ADAMTS14: variants seen among roughly 807,000 people sequenced by gnomAD.
ADAMTS14 encodes ADAM metallopeptidase with thrombospondin type 1 motif 14, also known as A disintegrin and metalloproteinase with thrombospondin motifs 14.
ADAMTS14 carries 100 observed loss-of-function variants against 128.6 expected under a neutral mutation model. The observed-to-expected ratio is 0.78, with a 90% confidence interval of 0.66 to 0.92. ADAMTS14 has a LOEUF of 0.92. Among genes scored for constraint, ADAMTS14 ranks in the 40% least tolerant of loss-of-function variants. The pLI, the probability that ADAMTS14 is intolerant of heterozygous loss-of-function variation, is 0.00. For synonymous variants in ADAMTS14, 665 were observed against 653.8 expected (o/e 1.02, Z -0.26); for missense variants, 1,562 against 1,658.6 (o/e 0.94, Z 1.01).
chr10:70,713,442 A>T (rs1267109692), intron 4 of ADAMTS14, among the ~76,000 whole-genome samples: 1 of 152,206 alleles, frequency 6.6e-6, no homozygotes, highest in African/African-American at 2.4e-5. Flanking sequence ...TGACATGCCC[A>T]CAGAGCCAGT....
chr10:70,694,334 A>T (rs1374424631), intron 2 of ADAMTS14, among the ~76,000 whole-genome samples: 1 of 152,210 alleles, frequency 6.6e-6, no homozygotes, highest in African/African-American at 2.4e-5. Context: ...GTCTCCATGC[A>T]TGCATATTAT....
At chr10:70,712,861 C>T (rs758075101) in intron 4 of ADAMTS14, among the ~76,000 whole-genome samples, 11 of 152,148 alleles carry the variant, frequency 7.2e-5, no homozygotes, top group Non-Finnish European at 1.5e-4. Flanking sequence ...CCCTCATTCC[C>T]GGAACTAGCG....
intron 2 of ADAMTS14, among the ~76,000 whole-genome samples, chr10:70,690,946 G>A (rs918496437): frequency 6.9e-6 from 1 of 144,816 alleles, no homozygotes; most frequent in Non-Finnish European, 1.6e-5. Context: ...CTCCTTCGCC[G>A]AGCTTGGTGG....
At chr10:70,733,572 G>A (rs1160591318) in intron 7 of ADAMTS14, among the ~76,000 whole-genome samples, 1 of 152,240 alleles carries the variant, frequency 6.6e-6, no homozygotes, top group Non-Finnish European at 1.5e-5. Context: ...GCTAGGACCA[G>A]TGGCCGAGTG....
chr10:70,684,814 GCTGT>G (rs1328309088), intron 2 of ADAMTS14, among the ~76,000 whole-genome samples: 6 of 152,144 alleles, frequency 3.9e-5, no homozygotes, highest in Admixed American at 6.5e-5. Context: ...TGTCTGGGCC[GCTGT>G]CTGTCTGAGC....
chr10:70,702,512 T>C (rs1589277868), intron 3 of ADAMTS14, 44 bp downstream of exon 3: 1 of 1,552,790 alleles, frequency 6.4e-7, no homozygotes, highest in African/African-American at 1.4e-5. Context: ...TCTCCCTACC[T>C]CTGGAGTGTT....
At chr10:70,681,696 G>C (rs953981723) in intron 2 of ADAMTS14, among the ~76,000 whole-genome samples, 2 of 152,176 alleles carry the variant, frequency 1.3e-5, no homozygotes, top group Admixed American at 1.3e-4. Context: ...GGAAGCTGCG[G>C]GTCGGCTCCA....
intron 12 of ADAMTS14, 71 bp from the exon 13 acceptor site, chr10:70,743,477 A>G: frequency 6.6e-7 from 1 of 1,521,276 alleles, no homozygotes; most frequent in Non-Finnish European, 8.8e-7. Context: ...TGGCTGGACC[A>G]CATACTGATC....
intron 2 of ADAMTS14, among the ~76,000 whole-genome samples, chr10:70,696,945 A>G (rs990060408): frequency 2.6e-5 from 4 of 152,146 alleles, no homozygotes; most frequent in South Asian, 2.1e-4. Context: ...CCCAGCATCC[A>G]GTTGCTGGGT....
At chr10:70,745,604 C>T (rs1054118621) in intron 15 of ADAMTS14, 3 of 432,188 alleles carry the variant, frequency 6.9e-6, no homozygotes, top group African/African-American at 6.1e-5. Context: ...TTCTTGTGCA[C>T]ATAGATGGCT....
At chr10:70,728,805 A>G in intron 4 of ADAMTS14, among the ~76,000 whole-genome samples, 1 of 152,210 alleles carries the variant, frequency 6.6e-6, no homozygotes. Context: ...TGCTGCTCCA[A>G]GGTCCTGGAG....
chr10:70,744,213 G>C (rs772208743), intron 14 of ADAMTS14, 24 bp downstream of exon 14: 6 of 1,499,534 alleles, frequency 4.0e-6, no homozygotes, highest in Non-Finnish European at 5.4e-6. Context: ...GGGCTGGGGG[G>C]ATGACGAGGG....
In ADAMTS14 at chr10:70,751,466, A is replaced by C; in HGVS notation, c.2428-12A>C. ...TTCTCTGGTCCTGTGCCAGCTCCCC[A>C]TCTCCCCTCAGGCTCTCCCCCCAAC... On this transcript the variant is annotated splice_polypyrimidine_tract_variant and intron_variant, in intron 16 of 21. Coordinates refer to ENST00000373207, the MANE Select transcript of ADAMTS14 (RefSeq NM_080722.4). The C allele has an allele frequency of 6.3e-7, 1 of 1,593,886 alleles. No individual in the cohort carries two copies. The highest frequency in any genetic ancestry group is 8.6e-7 in the Non-Finnish European group (1 of 1,163,814).
At chr10:70,725,941 T>C (rs1360454106) in intron 4 of ADAMTS14, among the ~76,000 whole-genome samples, 2 of 152,116 alleles carry the variant, frequency 1.3e-5, no homozygotes, top group Non-Finnish European at 2.9e-5. Context: ...CCAGACGCTG[T>C]TTCCCTTTTC....
At chr10:70,722,875 T>G (rs1315599718) in intron 4 of ADAMTS14, among the ~76,000 whole-genome samples, 1 of 152,224 alleles carries the variant, frequency 6.6e-6, no homozygotes, top group Non-Finnish European at 1.5e-5. Context: ...TCCAGTTTAT[T>G]CATGTAGAGA....
intron 11 of ADAMTS14, among the ~76,000 whole-genome samples, 186 bp from the exon 12 acceptor site, chr10:70,740,801 T>A (rs1352605146): frequency 6.6e-6 from 1 of 152,156 alleles, no homozygotes; most frequent in East Asian, 1.9e-4. Context: ...GGAAGAAGGA[T>A]CTGGATAGCT....
intron 4 of ADAMTS14, among the ~76,000 whole-genome samples, chr10:70,717,488 G>T (rs982109530): frequency 6.6e-6 from 1 of 152,144 alleles, no homozygotes; most frequent in African/African-American, 2.4e-5. Context: ...GTGGCGGGAT[G>T]GCTGGCAAGG....
At position 70,741,163 on chromosome 10, in the gene ADAMTS14, GT is replaced by G; in HGVS notation, c.1924+2del. The G allele has an allele frequency of 6.2e-7, 1 of 1,612,120 alleles. No individual in the cohort carries two copies. The highest frequency in any genetic ancestry group is 1.1e-5 in the South Asian group (1 of 91,074). On this transcript the variant is annotated splice_donor_variant, in intron 12 of 21. Transcript: ENST00000373207. LOFTEE classifies it high-confidence loss of function. The stretch of plus-strand genomic sequence containing the variant: ...TGGGTGCCCTACGAGCCTGACGATG[GT>G]GAGTGGGCCCCACCCCCCTCCCACT...
chr10:70,755,596 C>T (rs1842462164), intron 19 of ADAMTS14, among the ~76,000 whole-genome samples: 1 of 152,156 alleles, frequency 6.6e-6, no homozygotes, highest in Non-Finnish European at 1.5e-5. Flanking sequence ...TGTAATCCCA[C>T]CACTTTGGGA....
Sources: gnomAD v4.1 joint callset for allele counts (sites outside exome capture counted in the v4.1 genomes callset) on GRCh38, gnomAD v4.1.1 for gene constraint, MANE v1.5 for transcripts, NCBI Gene and HGNC (gene_info 2026-07-23, HGNC 2026-07-21) for gene names.